BRSK1: variants seen among roughly 807,000 people sequenced by gnomAD.
BRSK1 encodes serine/threonine-protein kinase BRSK1.
Under a neutral mutation model 86.2 loss-of-function variants are expected in BRSK1, and 17 were observed. That is an observed-to-expected ratio of 0.20 (90% CI 0.14 to 0.30). BRSK1 has a LOEUF of 0.30. Among genes scored for constraint, BRSK1 ranks in the 10% least tolerant of loss-of-function variants. The probability of loss-of-function intolerance (pLI) is 1.00; values close to 1 mark genes in which losing one functional copy is unlikely to be tolerated. For missense variants in BRSK1, 719 were observed against 1,071.9 expected (o/e 0.67, Z 4.60); for synonymous variants, 464 against 440.1 (o/e 1.05, Z -0.68).
chr19:55,285,153 G>A (rs2088291509), intron 1 of BRSK1, among the ~76,000 whole-genome samples: 1 of 150,076 alleles, frequency 6.7e-6, no homozygotes, highest in South Asian at 2.1e-4. Context: ...GGGCCTGGGG[G>A]CCTGGACTCC....
In BRSK1 at chr19:55,304,242, C is replaced by G. The variant is rs1486742888; in HGVS notation, c.1347+132C>G. 3 of 947,874 alleles carry G rather than the reference C, an allele frequency of 3.2e-6. No individual in the cohort carries two copies. Among genetic ancestry groups the G allele is most frequent in the Non-Finnish European group, 4.6e-6 (3 of 646,844 alleles). The allele number at this position is 947,874 out of a possible 1,614,324, so 58.7% of individuals were successfully genotyped here. A position where few individuals can be genotyped will look rare whatever the true frequency, so the allele number is the denominator to read the frequency against. On this transcript the variant is annotated intron_variant, in intron 13 of 18. Coordinates refer to ENST00000309383, the MANE Select transcript of BRSK1 (RefSeq NM_032430.2). The surrounding 1 kb of genome is among the most constrained non-coding windows in gnomAD (Gnocchi z 5.2). ...TCTTTGTCCCTGGAGGGCCAAAGAC[C>G]CAAGGCCTCCAAAGTATTTTGGTCC...
chr19:55,306,095 T>C lies in BRSK1; in HGVS notation c.1891-157T>C, dbSNP rs781393904. On this transcript the variant is annotated intron_variant, in intron 16 of 18. Coordinates refer to ENST00000309383, the MANE Select transcript of BRSK1 (RefSeq NM_032430.2). The surrounding 1 kb of genome is among the most constrained non-coding windows in gnomAD (Gnocchi z 4.7). The stretch of plus-strand genomic sequence containing the variant: ...TACTCGCTGATAGGATAGAGAAAGC[T>C]ACAAGTCCTTGCAGGCAGTGGGGCC... Among the ~76,000 whole-genome samples the C allele has an allele frequency of 6.6e-6, 1 of 152,194 alleles. No individual in the cohort carries two copies. The highest frequency in any genetic ancestry group is 1.5e-5 in the Non-Finnish European group (1 of 68,038).
chr19:55,286,853 C>G (rs2088324927), intron 1 of BRSK1, among the ~76,000 whole-genome samples, 154 bp from the exon 2 acceptor site: 1 of 151,850 alleles, frequency 6.6e-6, no homozygotes, highest in Admixed American at 6.6e-5. Flanking sequence ...AGTGTGGGCT[C>G]TCAGCCCCAG....
At chr19:55,298,209 C>CTTTTTTTTTTTTTTTTTTTTTTTTTTTT in intron 7 of BRSK1, among the ~76,000 whole-genome samples, 1 of 69,622 alleles carries the variant, frequency 1.4e-5, no homozygotes. Flanking sequence ...TTTGTTTCTT[C>CTTTTTTTTTTTTTTTTTTTTTTTTTTTT]TTTTTTTTTT....
At chr19:55,308,917 C>T (rs946307209) in intron 18 of BRSK1, among the ~76,000 whole-genome samples, 189 bp downstream of exon 18, 1 of 152,088 alleles carries the variant, frequency 6.6e-6, no homozygotes, top group Admixed American at 6.6e-5. Context: ...TGGTGGGCTC[C>T]TTCACCATTG....
In BRSK1 at chr19:55,303,397, G is replaced by A. The variant is rs753528403; in HGVS notation, c.1115G>A (p.Arg372Gln). 14 of 1,613,656 alleles carry A rather than the reference G, an allele frequency of 8.7e-6. No individual in the cohort carries two copies. The highest frequency in any genetic ancestry group is 4.4e-5 in the South Asian group (4 of 91,072). Residue 372 changes from arginine to glutamine, a missense_variant, in exon 11 of 19, where the codon CGG (arginine) becomes CAG (glutamine). Around this residue, in one of 6 missense-constraint regions of BRSK1, gnomAD observed 168 missense variants for 246.3 expected, o/e 0.68. Coordinates refer to ENST00000309383, the MANE Select transcript of BRSK1 (RefSeq NM_032430.2). This position sits in a 1 kb window ranked among gnomAD's most constrained non-coding sequence, Gnocchi z 5.1. ...TGTGAGGACCAGGACCTGCCTCCCC[G>A]GAATGATGTTGGTGAGAAGGCAGGG... ...PSCEDQDLPP[R>Q]NDVDPPRKRV...
chr19:55,312,140 A>C lies in BRSK1; in HGVS notation c.*72A>C. The C allele has an allele frequency of 1.5e-6, 1 of 668,496 alleles. No homozygotes were observed. 41.4% of individuals were successfully genotyped at this position (668,496 alleles called of 1,614,324 possible). A position where few individuals can be genotyped will look rare whatever the true frequency, so the allele number is the denominator to read the frequency against. ...GTGCCCCCCAACTGTGAATCTGTAA[A>C]TAAGGCCCAAGGAACATGTCGGGAG... On this transcript the variant is annotated 3_prime_UTR_variant, in exon 19 of 19. Coordinates refer to ENST00000309383, the MANE Select transcript of BRSK1 (RefSeq NM_032430.2).
chr19:55,299,927 G>A (rs1470179608), intron 7 of BRSK1, among the ~76,000 whole-genome samples: 2 of 152,078 alleles, frequency 1.3e-5, no homozygotes, highest in African/African-American at 4.8e-5. Context: ...AGCCCTCAAA[G>A]GCTCACACCA....
intron 3 of BRSK1, among the ~76,000 whole-genome samples, chr19:55,288,282 C>G (rs994811112): frequency 6.6e-6 from 1 of 151,904 alleles, no homozygotes; most frequent in Non-Finnish European, 1.5e-5. Flanking sequence ...TCGAGACCAG[C>G]CTGAGCAACA....
Position 55,289,612 on chromosome 19 carries a change from C to T in BRSK1, c.450C>T (p.Tyr150=). 1 of 1,613,960 alleles carries T rather than the reference C, an allele frequency of 6.2e-7. No individual in the cohort carries two copies. Residue 150 remains tyrosine (Y), a synonymous_variant, in exon 4 of 19, where the codon TAC becomes TAT. Coordinates refer to ENST00000309383, the MANE Select transcript of BRSK1 (RefSeq NM_032430.2). ...IVSALDFCHS[Y]SICHRDLKPE... ...CTGCGCTGGACTTCTGCCACAGCTA[C>T]TCCATCTGGTGAGTGGGCAGCTTGA...
At chr19:55,299,273 C>T (rs1029935644) in intron 7 of BRSK1, among the ~76,000 whole-genome samples, 5 of 152,066 alleles carry the variant, frequency 3.3e-5, no homozygotes, top group Non-Finnish European at 5.9e-5. Context: ...CTCCAGTAGC[C>T]GTGACTCGTT....
chr19:55,301,352 C>T (rs1308582933), intron 7 of BRSK1, among the ~76,000 whole-genome samples, 160 bp from the exon 8 acceptor site: 4 of 152,246 alleles, frequency 2.6e-5, no homozygotes, highest in Non-Finnish European at 5.9e-5. Context: ...CAAGTGCCTG[C>T]TGTGCCACGG....
At position 55,308,747 on chromosome 19, in the gene BRSK1, G is replaced by T. The variant is rs746957619; in HGVS notation, c.2179+19G>T. ...CTGGCAGGTGGGTGGTGGGGCCGTG[G>T]GTGGTGGGGGGCGTGGGTGGCGGGG... is the stretch of plus-strand genomic sequence containing the variant. On this transcript the variant is annotated intron_variant, in intron 18 of 18. Coordinates refer to ENST00000309383, the MANE Select transcript of BRSK1 (RefSeq NM_032430.2). The T allele has an allele frequency of 4.6e-6, 5 of 1,082,674 alleles. No homozygotes were observed. Among genetic ancestry groups the T allele is most frequent in the Non-Finnish European group, 6.4e-6 (5 of 778,870 alleles). The allele number at this position is 1,082,674 out of a possible 1,614,324, so 67.1% of individuals were successfully genotyped here. A position where few individuals can be genotyped will look rare whatever the true frequency, so the allele number is the denominator to read the frequency against.
At chr19:55,307,330 C>T (rs921567700) in intron 17 of BRSK1, among the ~76,000 whole-genome samples, 11 of 151,728 alleles carry the variant, frequency 7.2e-5, no homozygotes, top group African/African-American at 2.7e-4. Flanking sequence ...GAGGCTGAGA[C>T]GAGCAGGTCA....
chr19:55,289,939 A>T (rs2088379607), intron 4 of BRSK1, among the ~76,000 whole-genome samples: 1 of 151,950 alleles, frequency 6.6e-6, no homozygotes, highest in African/African-American at 2.4e-5. Flanking sequence ...GTATGGATTT[A>T]CCTATTCTAG....
chr19:55,297,576 A>G (rs2088507397), intron 7 of BRSK1, among the ~76,000 whole-genome samples: 1 of 152,176 alleles, frequency 6.6e-6, no homozygotes. Flanking sequence ...CCTGGGGCTC[A>G]CCACTCCATG....
At chr19:55,309,086 T>C (rs1267729695) in intron 18 of BRSK1, among the ~76,000 whole-genome samples, 1 of 151,710 alleles carries the variant, frequency 6.6e-6, no homozygotes, top group Non-Finnish European at 1.5e-5. Flanking sequence ...CCAACAGAGG[T>C]TCTGGACCTC....
intron 7 of BRSK1, among the ~76,000 whole-genome samples, chr19:55,295,551 A>G (rs1165621906): frequency 1.3e-5 from 2 of 152,218 alleles, no homozygotes; most frequent in Admixed American, 6.5e-5. Flanking sequence ...AAAAAGATAA[A>G]AGAACTATGG....
intron 3 of BRSK1, among the ~76,000 whole-genome samples, chr19:55,288,211 T>A (rs1374269617): frequency 6.6e-6 from 1 of 152,090 alleles, no homozygotes; most frequent in African/African-American, 2.4e-5. Context: ...CCAGGCGCGG[T>A]GGCTCATGCC....
Sources: gnomAD v4.1 joint callset for allele counts (sites outside exome capture counted in the v4.1 genomes callset) on GRCh38, gnomAD v4.1.1 for gene constraint, gnomAD v4.1.1 regional missense constraint, Gnocchi (gnomAD v3.1) non-coding constraint, MANE v1.5 for transcripts, NCBI Gene and HGNC (gene_info 2026-07-23, HGNC 2026-07-21) for gene names.